KCNN2: variants seen among roughly 807,000 people sequenced by gnomAD.
KCNN2 encodes the protein potassium calcium-activated channel subfamily N member 2, also known as small conductance calcium-activated potassium channel protein 2.
In KCNN2, 24 loss-of-function variants were observed where a neutral mutation model predicts 55.5. That is an observed-to-expected ratio of 0.43 (90% CI 0.31 to 0.61). KCNN2 has a LOEUF of 0.61. Among genes scored for constraint, KCNN2 ranks in the 20% least tolerant of loss-of-function variants. The pLI, the probability that KCNN2 is intolerant of heterozygous loss-of-function variation, is 0.08. For missense variants in KCNN2, 754 were observed against 853.6 expected, an observed-to-expected ratio of 0.88 and a Z score of 1.45; for synonymous variants, 431 against 336.1, an observed-to-expected ratio of 1.28 and a Z score of -3.09.
chr5:114,370,879 C>T (rs1757744281), intron 2 of KCNN2, among the ~76,000 whole-genome samples: 1 of 152,184 alleles, frequency 6.6e-6, no homozygotes, highest in African/African-American at 2.4e-5. Context: ...AGGCAAGGCT[C>T]ATGATCCAGC....
chr5:114,290,219 A>G (rs1443284325), intron 2 of KCNN2, among the ~76,000 whole-genome samples: 1 of 152,152 alleles, frequency 6.6e-6, no homozygotes, highest in Non-Finnish European at 1.5e-5. Flanking sequence ...AATTCACGTG[A>G]AATCTGGTGC....
intron 2 of KCNN2, among the ~76,000 whole-genome samples, chr5:114,298,563 A>G (rs891475285): frequency 4.6e-5 from 7 of 152,232 alleles, no homozygotes; most frequent in African/African-American, 1.7e-4. Flanking sequence ...TGTTAGGTGA[A>G]AAAAACAGGA....
chr5:114,286,499 C>T (rs1428894145), intron 2 of KCNN2, among the ~76,000 whole-genome samples: 1 of 152,012 alleles, frequency 6.6e-6, no homozygotes, highest in Non-Finnish European at 1.5e-5. Context: ...AAAAGAGGGG[C>T]AAGTATGAAA....
intron 2 of KCNN2, among the ~76,000 whole-genome samples, chr5:114,351,485 A>T (rs1448526242): frequency 6.6e-6 from 1 of 151,756 alleles, no homozygotes; most frequent in Non-Finnish European, 1.5e-5. Context: ...ACAATGTTTA[A>T]TAAAAGTGGG....
At chr5:114,471,137 G>A (rs1164290059) in intron 4 of KCNN2, among the ~76,000 whole-genome samples, 1 of 152,090 alleles carries the variant, frequency 6.6e-6, no homozygotes, top group Non-Finnish European at 1.5e-5. Flanking sequence ...AATGCATTAT[G>A]GCTATGGAAT....
At chr5:114,487,480 C>T (rs1463268595) in intron 6 of KCNN2, among the ~76,000 whole-genome samples, 1 of 152,068 alleles carries the variant, frequency 6.6e-6, no homozygotes, top group Non-Finnish European at 1.5e-5. Context: ...AGATAGTTTG[C>T]TCTAGGATTT....
chr5:114,284,555 G>C (rs1580692896), intron 2 of KCNN2, among the ~76,000 whole-genome samples: 1 of 152,138 alleles, frequency 6.6e-6, no homozygotes, highest in Non-Finnish European at 1.5e-5. Context: ...GTCTTGCTCT[G>C]TTGCCAGGCT....
chr5:114,130,283 T>A (rs981969236), intron 1 of KCNN2, among the ~76,000 whole-genome samples: 2 of 152,240 alleles, frequency 1.3e-5, no homozygotes, highest in East Asian at 3.8e-4. Flanking sequence ...CAAACCTATA[T>A]TTCTCTAAGA....
intron 1 of KCNN2, among the ~76,000 whole-genome samples, chr5:114,159,010 G>A (rs1437361936): frequency 1.3e-5 from 2 of 152,178 alleles, no homozygotes; most frequent in South Asian, 2.1e-4. Context: ...TCTCCTGCCT[G>A]ATTGCCCTGG....
intron 1 of KCNN2, among the ~76,000 whole-genome samples, chr5:114,206,870 C>T (rs907004020): frequency 6.6e-6 from 1 of 151,944 alleles, no homozygotes; most frequent in African/African-American, 2.4e-5. Context: ...TGTGTTACTT[C>T]TCAACAAGTC....
At chr5:114,378,280 A>G (rs113627628) in intron 2 of KCNN2, among the ~76,000 whole-genome samples, 1,607 of 152,360 alleles carry the variant, frequency 0.011, 29 homozygotes, top group African/African-American at 0.036. Flanking sequence ...AACAGAGGCC[A>G]TGTGGCTGGC....
At chr5:114,140,479 G>A (rs1052845210) in intron 1 of KCNN2, among the ~76,000 whole-genome samples, 2 of 152,126 alleles carry the variant, frequency 1.3e-5, no homozygotes, top group African/African-American at 4.8e-5. Context: ...GATGATATAA[G>A]TAATTTGATT....
At chr5:114,066,533 G>C (rs940004149) in intron 1 of KCNN2, among the ~76,000 whole-genome samples, 1 of 152,202 alleles carries the variant, frequency 6.6e-6, no homozygotes, top group South Asian at 2.1e-4. Flanking sequence ...TGTGGGAAAG[G>C]GGCTCACCAG....
chr5:114,491,006 C>T (rs537854607), intron 6 of KCNN2, among the ~76,000 whole-genome samples: 138 of 152,208 alleles, frequency 9.1e-4, no homozygotes, highest in African/African-American at 3.1e-3. Flanking sequence ...AAACAAACAA[C>T]AAGACAAGAT....
intron 1 of KCNN2, among the ~76,000 whole-genome samples, chr5:114,165,091 C>T (rs1752881267): frequency 6.6e-6 from 1 of 152,180 alleles, no homozygotes; most frequent in Non-Finnish European, 1.5e-5. Flanking sequence ...TGGCTTCAGG[C>T]TCTGTGTTCT....
chr5:114,078,563 C>T (rs986000946), intron 1 of KCNN2, among the ~76,000 whole-genome samples: 2 of 152,140 alleles, frequency 1.3e-5, no homozygotes, highest in Non-Finnish European at 2.9e-5. Context: ...TTCTCTGAAA[C>T]TGGAGCAGAA....
chr5:114,072,474 C>T lies in KCNN2; in HGVS notation c.-271+15974C>T, dbSNP rs994096937. Among the ~76,000 whole-genome samples the T allele has an allele frequency of 6.6e-5, 10 of 152,068 alleles. No homozygotes were observed. In the East Asian group the frequency reaches 7.7e-4, roughly 12 times the overall value. On this transcript the variant is annotated intron_variant, in intron 1 of 10. Transcript: ENST00000512097. ...ATGGCAGGTAAGAGATAAAAATAGA[C>T]GTTATTAGCATATAATTAATTTAAC...
In KCNN2 at chr5:114,356,041, C is replaced by T. The variant is rs527496939; in HGVS notation, c.-184-4904C>T. On this transcript the variant is annotated intron_variant, in intron 2 of 10. Transcript: ENST00000512097. ...AGCCAGTGAGGAAATGTCTGTGAGG[C>T]CCTTCACAGGTAGTTTCTACTAATG... Among the ~76,000 whole-genome samples the T allele has an allele frequency of 2.6e-3, 389 of 152,168 alleles. 4 individuals are homozygous for T. Among genetic ancestry groups the T allele is most frequent in the African/African-American group, 9.1e-3 (379 of 41,542 alleles).
intron 1 of KCNN2, among the ~76,000 whole-genome samples, chr5:114,119,980 AGCATGTGC>A (rs1252755592): frequency 6.6e-5 from 10 of 152,172 alleles, no homozygotes. Context: ...AGAAAAACAC[AGCATGTGC>A]GCATGTGCAA....
Sources: allele counts gnomAD v4.1 joint callset (sites outside exome capture counted in the v4.1 genomes callset), GRCh38; gene constraint gnomAD v4.1.1; transcripts MANE v1.5; gene names NCBI Gene and HGNC (gene_info 2026-07-23, HGNC 2026-07-21).